The following AMMECR1 variants were observed in gnomAD, a reference collection of about 807,000 sequenced individuals.
AMMECR1 encodes AMMECR nuclear protein 1.
In AMMECR1, 3 loss-of-function variants were observed where a neutral mutation model predicts 22.5. The observed-to-expected ratio is 0.13, with a 90% CI of 0.06 to 0.35. The LOEUF (loss-of-function observed/expected upper bound fraction) is 0.35, where lower values mean the gene tolerates loss of function less well. Ranked by LOEUF, AMMECR1 falls within the 10% of genes least tolerant of loss-of-function variation. The pLI is 1.00. For missense variants in AMMECR1, 235 were observed against 278.7 expected (o/e 0.84, Z 1.12); for synonymous variants, 130 against 116.7 (o/e 1.11, Z -0.74).
intron 2 of AMMECR1, among the ~76,000 whole-genome samples, chrX:110,394,893 G>A (rs770584370): frequency 2.7e-5 from 3 of 112,975 alleles, no homozygotes; most frequent in African/African-American, 9.6e-5. Flanking sequence ...GGGGAACAGT[G>A]GGGCTGTGTG....
intron 2 of AMMECR1, among the ~76,000 whole-genome samples, chrX:110,239,318 T>C (rs911434057): frequency 1.0e-4 from 11 of 110,425 alleles, no homozygotes; most frequent in African/African-American, 3.6e-4. Flanking sequence ...GTTAGAGGAA[T>C]TGCTAACTAG....
upstream of AMMECR1, chrX:110,318,134 G>A: frequency 2.0e-6 from 2 of 1,017,214 alleles, no homozygotes; most frequent in East Asian, 3.9e-5. Flanking sequence ...GGCGGCGGGG[G>A]CGAGCACGCT....
At chrX:110,434,210 C>T (rs1319271459) in intron 1 of AMMECR1, among the ~76,000 whole-genome samples, 1 of 111,837 alleles carries the variant, frequency 8.9e-6, no homozygotes, top group Admixed American at 9.5e-5. Context: ...CCACTGGCAG[C>T]AGCAGGAGGG....
At chrX:110,285,696 A>G (rs2067875452) in intron 1 of AMMECR1, among the ~76,000 whole-genome samples, 1 of 111,718 alleles carries the variant, frequency 9.0e-6, no homozygotes, top group Non-Finnish European at 1.9e-5. Context: ...ATTTTACCCA[A>G]CTTCTCATAC....
chrX:110,270,093 T>C (rs1379035481), intron 1 of AMMECR1, among the ~76,000 whole-genome samples: 1 of 111,285 alleles, frequency 9.0e-6, no homozygotes, highest in Non-Finnish European at 1.9e-5. Context: ...TCTCCAACAG[T>C]CTTTTATAAG....
chrX:110,418,991 G>C (rs1349845995), intron 2 of AMMECR1: 1 of 109,895 alleles, frequency 9.1e-6, no homozygotes, highest in African/African-American at 3.3e-5. Context: ...AAAAACGACT[G>C]TATGTTTCAG....
intron 1 of AMMECR1, among the ~76,000 whole-genome samples, chrX:110,280,793 T>C (rs1160518000): frequency 8.9e-6 from 1 of 112,137 alleles, no homozygotes; most frequent in African/African-American, 3.2e-5. Context: ...AACATTTTCC[T>C]ATATGGTTAA....
At chrX:110,309,156 G>T (rs998210506) in intron 1 of AMMECR1, 5 of 111,854 alleles carry the variant, frequency 4.5e-5, no homozygotes, top group Non-Finnish European at 9.4e-5. Context: ...AATGTAACTA[G>T]TACATAAGCA....
At chrX:110,374,374 A>G (rs2148266196) in intron 2 of AMMECR1, among the ~76,000 whole-genome samples, 1 of 112,367 alleles carries the variant, frequency 8.9e-6, no homozygotes, top group East Asian at 2.8e-4. Flanking sequence ...GAGTGAGTGA[A>G]TTAATGAGTC....
intron 1 of AMMECR1, among the ~76,000 whole-genome samples, chrX:110,277,268 G>A (rs1047967233): frequency 9.0e-6 from 1 of 110,816 alleles, no homozygotes; most frequent in Non-Finnish European, 1.9e-5. Context: ...ATTAGTGCCA[G>A]CAGAAAAATG....
Position 110,317,677 on chromosome X carries a change from C to A in AMMECR1, c.395G>T (p.Cys132Phe). 1 of 1,209,259 alleles carries A rather than the reference C, an allele frequency of 8.3e-7. No individual in the cohort carries two copies. The highest frequency in any genetic ancestry group is 1.1e-6 in the Non-Finnish European group (1 of 894,172). Residue 132 changes from cysteine to phenylalanine, a missense_variant, in exon 1 of 6, where the codon TGC (cysteine) becomes TTC (phenylalanine). By Grantham distance (205) the Cys-to-Phe change is radical. Coordinates refer to ENST00000262844, the MANE Select transcript of AMMECR1 (RefSeq NM_015365.3). ...RKMVVSAEMCCFCFDVLYCHL... is the reference protein window; with the variant it reads ...RKMVVSAEMCFFCFDVLYCHL... ...ACAGTAGAGCACATCGAAGCAAAAG[C>A]AGCACATCTCTGCTGACACCACCAT...
intron 1 of AMMECR1, among the ~76,000 whole-genome samples, chrX:110,435,143 G>C (rs986263610): frequency 5.2e-5 from 5 of 96,006 alleles, no homozygotes; most frequent in Admixed American, 3.3e-4. Context: ...GGAAGAAGGA[G>C]GGAGTGAGGG....
chrX:110,222,978 A>C (rs2067512256), intron 2 of AMMECR1, among the ~76,000 whole-genome samples: 1 of 111,655 alleles, frequency 9.0e-6, no homozygotes, highest in Non-Finnish European at 1.9e-5. Context: ...TCTACTCTCT[A>C]TGAGATAGCC....
intron 2 of AMMECR1, among the ~76,000 whole-genome samples, chrX:110,258,679 T>C (rs2067722889): frequency 8.9e-6 from 1 of 112,091 alleles, no homozygotes; most frequent in African/African-American, 3.2e-5. Context: ...TAGCCAGAAG[T>C]CTTGCCACAA....
intron 2 of AMMECR1, among the ~76,000 whole-genome samples, chrX:110,260,112 A>T (rs1399191242): frequency 9.0e-6 from 1 of 111,728 alleles, no homozygotes; most frequent in Non-Finnish European, 1.9e-5. Flanking sequence ...TGTGGACTTT[A>T]TCACCAAATT....
intron 2 of AMMECR1, among the ~76,000 whole-genome samples, chrX:110,332,347 A>G (rs2068124007): frequency 8.9e-6 from 1 of 111,989 alleles, no homozygotes; most frequent in South Asian, 3.7e-4. Context: ...TCTCAAAGAT[A>G]AAAGAATATA....
chrX:110,206,306 T>A (rs1469527965), intron 3 of AMMECR1, among the ~76,000 whole-genome samples: 1 of 112,519 alleles, frequency 8.9e-6, no homozygotes, highest in African/African-American at 3.2e-5. Context: ...ATTTCATTTA[T>A]CCTTGTTATC....
intron 1 of AMMECR1, among the ~76,000 whole-genome samples, chrX:110,315,375 G>A (rs1393827437): frequency 1.8e-5 from 2 of 111,703 alleles, no homozygotes; most frequent in East Asian, 5.6e-4. Flanking sequence ...TTGTTTTATA[G>A]AATACATGAC....
chrX:110,303,445 C>T (rs762609719), intron 1 of AMMECR1, among the ~76,000 whole-genome samples: 6 of 111,443 alleles, frequency 5.4e-5, no homozygotes, highest in Non-Finnish European at 1.1e-4. Context: ...AAATTGCCTC[C>T]CACTCCCCTG....
Sources: allele counts gnomAD v4.1 joint callset (sites outside exome capture counted in the v4.1 genomes callset), GRCh38; gene constraint gnomAD v4.1.1; transcripts MANE v1.5; gene names NCBI Gene and HGNC (gene_info 2026-07-23, HGNC 2026-07-21).